Variants in NSD1 observed in about 807,000 individuals in gnomAD.
NSD1 encodes the protein nuclear receptor binding SET domain protein 1, also known as histone-lysine N-methyltransferase, H3 lysine-36 specific.
In NSD1, 26 loss-of-function variants were observed where a neutral mutation model predicts 242.7. That is an observed-to-expected ratio of 0.11 (90% CI 0.08 to 0.15). NSD1 has a LOEUF of 0.15. NSD1 is among the 10% of genes least tolerant of loss of function. The probability of loss-of-function intolerance (pLI) is 1.00; values close to 1 mark genes in which losing one functional copy is unlikely to be tolerated. For synonymous variants in NSD1, 1,106 were observed against 1,178.1 expected (o/e 0.94, Z 1.25); for missense variants, 2,495 against 3,272.8 (o/e 0.76, Z 5.80).
chr5:177,253,657 G>A (rs1756186618), intron 12 of NSD1, among the ~76,000 whole-genome samples: 1 of 151,504 alleles, frequency 6.6e-6, no homozygotes, highest in South Asian at 2.1e-4. Flanking sequence ...CCTTGAGACA[G>A]GGTCTCTCTC....
intron 16 of NSD1, among the ~76,000 whole-genome samples, chr5:177,273,336 C>T (rs1406068825): frequency 1.8e-5 from 2 of 109,362 alleles, no homozygotes; most frequent in African/African-American, 3.3e-5. Flanking sequence ...AAAAAAAAGT[C>T]CATGCATAAT....
intron 9 of NSD1, among the ~76,000 whole-genome samples, chr5:177,245,579 A>G (rs967076845): frequency 6.6e-6 from 1 of 152,132 alleles, no homozygotes; most frequent in Admixed American, 6.5e-5. Context: ...TTTCTATAAC[A>G]CAGTTGAAAT....
At chr5:177,158,252 TC>T (rs1339398682) in intron 2 of NSD1, among the ~76,000 whole-genome samples, 1 of 87,494 alleles carries the variant, frequency 1.1e-5, no homozygotes, top group Admixed American at 1.3e-4. Flanking sequence ...TTTCTTTCTT[TC>T]TTTCTTTCTT....
rs1228594449 is a variant in NSD1, at chr5:177,211,721, G to A, written c.3322G>A (p.Val1108Met). 1 of 1,614,066 alleles carries A rather than the reference G, an allele frequency of 6.2e-7. No individual in the cohort carries two copies. Among genetic ancestry groups the A allele is most frequent in the Non-Finnish European group, 8.5e-7 (1 of 1,180,008 alleles). Residue 1108 changes from valine to methionine, a missense_variant, in exon 5 of 23, where the codon GTG becomes ATG. By Grantham distance (21) the Val-to-Met change is conservative. Coordinates refer to ENST00000439151, the MANE Select transcript of NSD1 (RefSeq NM_022455.5). ...TGAAGATGGTGACCATTTTTCTGAT[G>A]TGCATTTCGATAGCAAGGTTAAGCA... is the stretch of plus-strand genomic sequence containing the variant. ...TSEDGDHFSD[V>M]HFDSKVKQSD...
intron 6 of NSD1, among the ~76,000 whole-genome samples, chr5:177,237,050 C>T (rs1765506300): frequency 6.6e-6 from 1 of 152,052 alleles, no homozygotes; most frequent in East Asian, 1.9e-4. Flanking sequence ...ACTATGTTGC[C>T]CTGGCTGGTC....
chr5:177,248,785 A>G (rs1734225184), intron 11 of NSD1, among the ~76,000 whole-genome samples: 1 of 152,162 alleles, frequency 6.6e-6, no homozygotes, highest in African/African-American at 2.4e-5. Flanking sequence ...CTATGTATGA[A>G]GTATTGTTCC....
At chr5:177,175,261 G>T (rs373535055) in intron 2 of NSD1, among the ~76,000 whole-genome samples, 15 of 152,216 alleles carry the variant, frequency 9.9e-5, no homozygotes, top group East Asian at 1.9e-4. Flanking sequence ...GTCACAAAAG[G>T]TTATGCTTAA....
chr5:177,257,317 G>A (rs1249040360), intron 13 of NSD1, among the ~76,000 whole-genome samples, 166 bp downstream of exon 13: 2 of 145,618 alleles, frequency 1.4e-5, no homozygotes, highest in African/African-American at 5.1e-5. Flanking sequence ...TGCAAGCTCC[G>A]CCTCCTGGGT....
Position 177,291,946 on chromosome 5 carries a change from A to T in NSD1, c.6259-8A>T, listed in dbSNP as rs370529039. ...CAGAATGCTGACTGTTCAATATCTG[A>T]CCTGTAGAATCAACCCATTGCCACG... On this transcript the variant is annotated splice_polypyrimidine_tract_variant and splice_region_variant and intron_variant, in intron 21 of 22. Coordinates refer to ENST00000439151, the MANE Select transcript of NSD1 (RefSeq NM_022455.5). The T allele has an allele frequency of 8.5e-5, 137 of 1,612,890 alleles. No individual in the cohort carries two copies. Among genetic ancestry groups the T allele is most frequent in the Admixed American group, 1.2e-4 (7 of 59,784 alleles).
At chr5:177,272,031 G>C (rs1469261246) in intron 16 of NSD1, among the ~76,000 whole-genome samples, 1 of 152,106 alleles carries the variant, frequency 6.6e-6, no homozygotes, top group Non-Finnish European at 1.5e-5. Flanking sequence ...GGCTGAGGGA[G>C]GAAAATCGCT....
chr5:177,183,908 A>C (rs1760896205), intron 2 of NSD1, among the ~76,000 whole-genome samples: 1 of 152,116 alleles, frequency 6.6e-6, no homozygotes, highest in African/African-American at 2.4e-5. Context: ...TCTGTGCCTG[A>C]CTTATTTCAT....
intron 17 of NSD1, among the ~76,000 whole-genome samples, chr5:177,275,096 A>C (rs754384518): frequency 6.6e-6 from 1 of 151,036 alleles, no homozygotes; most frequent in Non-Finnish European, 1.5e-5. Context: ...CACCATCTTG[A>C]GAATCTAGTA....
Position 177,211,349 on chromosome 5 carries a change from G to A in NSD1, c.2950G>A (p.Asp984Asn), listed in dbSNP as rs1211400835. ...NSANPSPSGG[D>N]SALSGELSAS... ...CGCCAATCCTAGCCCTAGTGGGGGT[G>A]ACTCTGCATTATCTGGCGAGTTGTC... is the stretch of plus-strand genomic sequence containing the variant. Residue 984 changes from aspartate to asparagine, a missense_variant, in exon 5 of 23, where the codon GAC (aspartate) becomes AAC (asparagine). Coordinates refer to ENST00000439151, the MANE Select transcript of NSD1 (RefSeq NM_022455.5). 1.2e-6 allele frequency: 2 copies of A among 1,614,132 alleles called. No individual in the cohort carries two copies. The highest frequency in any genetic ancestry group is 2.2e-5 in the South Asian group (2 of 91,082).
chr5:177,215,647 C>A (rs1763713890), intron 5 of NSD1, among the ~76,000 whole-genome samples: 1 of 151,844 alleles, frequency 6.6e-6, no homozygotes, highest in African/African-American at 2.4e-5. Flanking sequence ...TCAAGCAATT[C>A]TTGTGCCCCA....
chr5:177,206,793 A>T (rs1224132041), intron 4 of NSD1, among the ~76,000 whole-genome samples: 2 of 151,436 alleles, frequency 1.3e-5, no homozygotes, highest in Non-Finnish European at 2.9e-5. Context: ...GGGCTTTCAG[A>T]TTCTGGAAAA....
At chr5:177,244,295 A>G (rs1037330206) in intron 9 of NSD1, 25 bp downstream of exon 9, 16 of 1,526,350 alleles carry the variant, frequency 1.0e-5, no homozygotes, top group African/African-American at 1.4e-5. Context: ...GATTTAAAAA[A>G]CGTAATGCAG....
chr5:177,209,819 G>C lies in NSD1; in HGVS notation c.1420G>C (p.Gly474Arg). The C allele has an allele frequency of 6.2e-7, 1 of 1,614,162 alleles. No homozygotes were observed. Among genetic ancestry groups the C allele is most frequent in the Non-Finnish European group, 8.5e-7 (1 of 1,180,014 alleles). ...PESEHDLLLN[G>R]CLKSLAFDSE... ...GTCAGAACATGACCTGTTGCTTAAT[G>C]GCTGTTTGAAATCACTGGCTTTTGA... Residue 474 changes from glycine to arginine, a missense_variant, in exon 5 of 23, where the codon GGC becomes CGC. Gly to Arg is a moderately radical substitution (Grantham distance 125, BLOSUM62 -2). This residue lies in a region of NSD1 where 515 missense variants were observed against 467.0 expected (regional missense o/e 1.10). Coordinates refer to ENST00000439151, the MANE Select transcript of NSD1 (RefSeq NM_022455.5).
In NSD1 at chr5:177,296,512, C is replaced by A. The variant is rs139257248; in HGVS notation, c.*1053C>A. 2.6e-4 allele frequency: 60 copies of A among 233,264 alleles called. No individual in the cohort carries two copies. The East Asian group carries it at 3.4e-3, about 13-fold the overall frequency. The allele number at this position is 233,264 out of a possible 1,614,324, so 14.4% of individuals were successfully genotyped here. On this transcript the variant is annotated 3_prime_UTR_variant, in exon 23 of 23. Coordinates refer to ENST00000439151, the MANE Select transcript of NSD1 (RefSeq NM_022455.5). ...ACCAGCTTCAGGAAGAGTACCAGAT[C>A]CTGATGGGAAATTTCTTTTCCCCAT...
At chr5:177,224,319 T>C (rs1764465370) in intron 5 of NSD1, among the ~76,000 whole-genome samples, 1 of 152,156 alleles carries the variant, frequency 6.6e-6, no homozygotes, top group Non-Finnish European at 1.5e-5. Flanking sequence ...TTCATCCAAT[T>C]AGATTCGTCT....
Sources: gnomAD v4.1 joint callset for allele counts (sites outside exome capture counted in the v4.1 genomes callset) on GRCh38, gnomAD v4.1.1 for gene constraint, gnomAD v4.1.1 regional missense constraint, MANE v1.5 for transcripts, NCBI Gene and HGNC (gene_info 2026-07-23, HGNC 2026-07-21) for gene names.